Variants in AGBL4 observed in about 807,000 individuals in gnomAD.
AGBL4 encodes cytosolic carboxypeptidase 6.
AGBL4 carries 58 observed loss-of-function variants against 66.4 expected under a neutral mutation model. The ratio of observed to expected loss-of-function variants is 0.87; its 90% CI spans 0.71 to 1.09. AGBL4 has a LOEUF of 1.09. Ranked by LOEUF, AGBL4 falls within the 50% of genes least tolerant of loss-of-function variation. AGBL4 has a pLI of 0.00. For synonymous variants in AGBL4, 234 were observed against 222.9 expected, an observed-to-expected ratio of 1.05 and a Z score of -0.44; for missense variants, 579 against 631.0, an observed-to-expected ratio of 0.92 and a Z score of 0.88.
intron 2 of AGBL4, chr1:49,846,097 G>A: frequency 2.6e-6 from 4 of 1,537,162 alleles, no homozygotes; most frequent in Non-Finnish European, 3.6e-6. Context: ...AATGTAACCA[G>A]TGTAGCCAGA....
At chr1:49,589,583 G>A (rs1236700031) in intron 3 of AGBL4, among the ~76,000 whole-genome samples, 1 of 151,494 alleles carries the variant, frequency 6.6e-6, no homozygotes, top group African/African-American at 2.4e-5. Context: ...TACATCAATG[G>A]GAAAAATTGA....
intron 3 of AGBL4, among the ~76,000 whole-genome samples, chr1:49,396,302 G>A (rs550742467): frequency 5.3e-5 from 8 of 149,734 alleles, no homozygotes; most frequent in Admixed American, 6.6e-5. Context: ...ATACTTCTAA[G>A]TACCAAAAAA....
intron 5 of AGBL4, among the ~76,000 whole-genome samples, chr1:49,034,667 G>A (rs111379885): frequency 0.013 from 1,914 of 152,220 alleles, 37 homozygotes; most frequent in African/African-American, 0.043. Flanking sequence ...CTGATAGAGA[G>A]TGAGTTCTTA....
intron 6 of AGBL4, among the ~76,000 whole-genome samples, chr1:48,701,796 T>C (rs1428770977): frequency 6.6e-6 from 1 of 152,224 alleles, no homozygotes; most frequent in African/African-American, 2.4e-5. Context: ...TGTTGGGTTT[T>C]ATTGTTGAAT....
At chr1:49,094,268 C>T (rs1024322957) in intron 4 of AGBL4, among the ~76,000 whole-genome samples, 1 of 151,998 alleles carries the variant, frequency 6.6e-6, no homozygotes, top group Non-Finnish European at 1.5e-5. Context: ...TCCCTAGAAC[C>T]TGGGAATTTT....
At chr1:49,620,944 C>A (rs1037777434) in intron 3 of AGBL4, among the ~76,000 whole-genome samples, 3 of 151,844 alleles carry the variant, frequency 2.0e-5, no homozygotes, top group Admixed American at 2.0e-4. Flanking sequence ...TAGGTAATTA[C>A]AATGTTATCT....
chr1:49,139,659 A>G (rs1216637798), intron 4 of AGBL4, among the ~76,000 whole-genome samples: 1 of 152,208 alleles, frequency 6.6e-6, no homozygotes, highest in Non-Finnish European at 1.5e-5. Flanking sequence ...TACTGGATAA[A>G]TGTGTCAAGT....
At chr1:49,236,702 G>T in intron 4 of AGBL4, among the ~76,000 whole-genome samples, 1 of 151,990 alleles carries the variant, frequency 6.6e-6, no homozygotes, top group East Asian at 1.9e-4. Context: ...TACAATATGT[G>T]TGTATAGTTC....
intron 2 of AGBL4, among the ~76,000 whole-genome samples, chr1:49,761,003 T>C (rs955671406): frequency 6.6e-6 from 1 of 151,792 alleles, no homozygotes; most frequent in Admixed American, 6.6e-5. Flanking sequence ...GGGAACAACA[T>C]GCACCAGGGC....
chr1:48,628,694 C>G (rs1302480717), intron 9 of AGBL4, among the ~76,000 whole-genome samples: 1 of 152,022 alleles, frequency 6.6e-6, no homozygotes, highest in Non-Finnish European at 1.5e-5. Flanking sequence ...CTCAGATTTT[C>G]CTGGAATGCC....
At chr1:48,698,647 T>G (rs1340310662) in intron 6 of AGBL4, among the ~76,000 whole-genome samples, 1 of 152,196 alleles carries the variant, frequency 6.6e-6, no homozygotes, top group Non-Finnish European at 1.5e-5. Flanking sequence ...AGACCAAGGC[T>G]CATACAGGAG....
intron 6 of AGBL4, among the ~76,000 whole-genome samples, chr1:48,792,548 G>A (rs1384659959): frequency 6.6e-6 from 1 of 152,204 alleles, no homozygotes; most frequent in Non-Finnish European, 1.5e-5. Context: ...AATCTTGTGA[G>A]CCTCGATATT....
intron 4 of AGBL4, among the ~76,000 whole-genome samples, chr1:49,155,985 A>C (rs1448212975): frequency 6.6e-6 from 1 of 152,152 alleles, no homozygotes; most frequent in Non-Finnish European, 1.5e-5. Flanking sequence ...AGACAGGTAG[A>C]ATTAGCTCAA....
intron 3 of AGBL4, among the ~76,000 whole-genome samples, chr1:49,489,031 A>G (rs778252670): frequency 6.6e-6 from 1 of 151,522 alleles, no homozygotes; most frequent in Non-Finnish European, 1.5e-5. Flanking sequence ...CTGATTTCCT[A>G]TCTTTTCGGT....
At chr1:48,608,186 A>G (rs2148375280) in intron 9 of AGBL4, among the ~76,000 whole-genome samples, 1 of 152,266 alleles carries the variant, frequency 6.6e-6, no homozygotes, top group East Asian at 1.9e-4. Flanking sequence ...ATTCAGTGAA[A>G]TTGACTCTAA....
At chr1:48,803,596 A>G (rs1452887735) in intron 6 of AGBL4, among the ~76,000 whole-genome samples, 1 of 152,252 alleles carries the variant, frequency 6.6e-6, no homozygotes, top group East Asian at 1.9e-4. Flanking sequence ...CAAAGGAATT[A>G]CAAAATTCTG....
chr1:49,119,539 T>A (rs1011550562), intron 4 of AGBL4, among the ~76,000 whole-genome samples: 18 of 152,210 alleles, frequency 1.2e-4, no homozygotes. Context: ...GAGTTCTAAT[T>A]TGATTGCACT....
intron 3 of AGBL4, among the ~76,000 whole-genome samples, chr1:49,397,852 G>A (rs1283979936): frequency 3.3e-5 from 5 of 152,084 alleles, no homozygotes; most frequent in Non-Finnish European, 5.9e-5. Flanking sequence ...AGCTTATTAT[G>A]TGTCAAAAAC....
intron 6 of AGBL4, chr1:48,776,801 T>C (rs1403462065): frequency 3.3e-6 from 5 of 1,523,616 alleles, no homozygotes; most frequent in East Asian, 2.7e-5. Flanking sequence ...TAGCAGACGT[T>C]GTCCTCCAGG....
Sources: allele counts gnomAD v4.1 joint callset (sites outside exome capture counted in the v4.1 genomes callset), GRCh38; gene constraint gnomAD v4.1.1; transcripts MANE v1.5; gene names NCBI Gene and HGNC (gene_info 2026-07-23, HGNC 2026-07-21).